The following URB2 variants were observed in gnomAD, a reference collection of about 807,000 sequenced individuals.
URB2 encodes URB2 ribosome biogenesis homolog, also known as unhealthy ribosome biogenesis protein 2 homolog.
In URB2, 86 loss-of-function variants were observed where a neutral mutation model predicts 120.9. That is an observed-to-expected ratio of 0.71 (90% CI 0.60 to 0.85). The LOEUF (loss-of-function observed/expected upper bound fraction) is 0.85. URB2 is among the 40% of genes least tolerant of loss of function. URB2 has a pLI of 0.00. For synonymous variants in URB2, 755 were observed against 758.4 expected (o/e 1.00, Z 0.07); for missense variants, 1,765 against 1,836.5 (o/e 0.96, Z 0.71).
Position 229,627,715 on chromosome 1 carries a change from T to C in URB2, c.82T>C (p.Phe28Leu). Residue 28 changes from phenylalanine to leucine, a missense_variant, in exon 2 of 10, where the codon TTT becomes CTT. By Grantham distance (22) the Phe-to-Leu change is conservative (BLOSUM62 0). Coordinates refer to ENST00000258243, the MANE Select transcript of URB2 (RefSeq NM_014777.4). ...SWEDKLKLAHFAWISHQCFLP... is the reference protein window; with the variant it reads ...SWEDKLKLAHLAWISHQCFLP... ...GGAAGATAAACTAAAACTAGCTCAC[T>C]TTGCTTGGATTTCTCACCAGTGCTT... 6.2e-7 allele frequency: 1 copy of C among 1,612,922 alleles called. No individual in the cohort carries two copies. Among genetic ancestry groups the C allele is most frequent in the Non-Finnish European group, 8.5e-7 (1 of 1,179,388 alleles).
chr1:229,651,930 C>G (rs1666283694), intron 8 of URB2, among the ~76,000 whole-genome samples: 1 of 152,068 alleles, frequency 6.6e-6, no homozygotes, highest in East Asian at 1.9e-4. Flanking sequence ...GGCTGTAATC[C>G]CAGCAATTTG....
chr1:229,639,232 G>A (rs2102788729), intron 4 of URB2, among the ~76,000 whole-genome samples: 1 of 152,130 alleles, frequency 6.6e-6, no homozygotes, highest in South Asian at 2.1e-4. Context: ...GGAGGTCGGT[G>A]CTGCAGTGAG....
rs1374300736 is a variant in URB2, at chr1:229,636,417, G to T, written c.1804G>T (p.Val602Phe). The T allele has an allele frequency of 6.2e-7, 1 of 1,614,122 alleles. No individual in the cohort carries two copies. The highest frequency in any genetic ancestry group is 1.3e-5 in the African/African-American group (1 of 74,946). The stretch of plus-strand genomic sequence containing the variant: ...AGAGCCAGAGCTGTGGCTGCAGAAG[G>T]TCAGTGACTCTGTGCTCCTGCTCTC... ...GPEPELWLQK[V>F]SDSVLLLSYT... is the part of the protein sequence containing the mutation. Residue 602 changes from valine (V) to phenylalanine (F), a missense_variant, in exon 4 of 10, where the codon GTC (valine) becomes TTC (phenylalanine). By Grantham distance (50) the Val-to-Phe change is conservative. Coordinates refer to ENST00000258243, the MANE Select transcript of URB2 (RefSeq NM_014777.4).
At position 229,654,371 on chromosome 1, in the gene URB2, G is replaced by A. The variant is rs369349530; in HGVS notation, c.4360G>A (p.Val1454Met). ...TTCCCCATTTATGGTGGCCCAGTACGTGTTGGAGGTACAGAAGGTAAAATT... is the reference window on the plus strand; with the variant it reads ...TTCCCCATTTATGGTGGCCCAGTACATGTTGGAGGTACAGAAGGTAAAATT... The part of the protein sequence containing the change: ...VFSPFMVAQY[V>M]LEVQKVTLYP... The change falls in exon 9 of 10, where the codon GTG (valine) becomes ATG (methionine). Residue 1454 changes from valine (V) to methionine (M), a missense_variant. Val to Met is a conservative substitution (Grantham distance 21). Coordinates refer to ENST00000258243, the MANE Select transcript of URB2 (RefSeq NM_014777.4). The A allele has an allele frequency of 2.7e-5, 44 of 1,614,070 alleles. No individual in the cohort carries two copies. Among genetic ancestry groups the A allele is most frequent in the African/African-American group, 4.0e-5 (3 of 74,918 alleles).
In URB2 at chr1:229,636,019, T is replaced by A. The variant is rs1665801098; in HGVS notation, c.1406T>A (p.Leu469Ter). Residue 469 changes from leucine (L) to a stop codon, truncating the protein, a stop_gained, in exon 4 of 10, where the codon TTG (leucine) becomes TAG (stop). Transcript: ENST00000258243. LOFTEE classifies it high-confidence loss of function. Reference sequence around the variant, plus strand: ...GCCAAACTCCGACAAGTGCCACGGTTGTTTGAAGAGGTTTTGGGGGTGATC... The same window carrying A: ...GCCAAACTCCGACAAGTGCCACGGTAGTTTGAAGAGGTTTTGGGGGTGATC... ...TYAKLRQVPRLFEEVLGVICR... is the reference protein window; with the variant it reads ...TYAKLRQVPR 2 of 1,613,820 alleles carry A rather than the reference T, an allele frequency of 1.2e-6. No individual in the cohort carries two copies. The highest frequency in any genetic ancestry group is 1.7e-6 in the Non-Finnish European group (2 of 1,179,724).
Position 229,635,527 on chromosome 1 carries a change from C to T in URB2, c.914C>T (p.Ala305Val), listed in dbSNP as rs754637823. 9 of 1,613,982 alleles carry T rather than the reference C, an allele frequency of 5.6e-6. No individual in the cohort carries two copies. Among genetic ancestry groups the T allele is most frequent in the Non-Finnish European group, 6.8e-6 (8 of 1,180,028 alleles). Residue 305 changes from alanine to valine, a missense_variant, in exon 4 of 10, where the codon GCC (alanine) becomes GTC (valine). Ala to Val is a moderately conservative substitution (Grantham distance 64). Transcript: ENST00000258243. ...LHTSVVANSV[A>V]LLYKLFLDSY... ...ACCTCTGTTGTGGCCAACTCAGTGGCCTTGCTGTATAAGCTCTTTCTAGAT... is the reference window on the plus strand; with the variant it reads ...ACCTCTGTTGTGGCCAACTCAGTGGTCTTGCTGTATAAGCTCTTTCTAGAT...
At chr1:229,648,740 G>A (rs1424829242) in intron 7 of URB2, among the ~76,000 whole-genome samples, 1 of 152,130 alleles carries the variant, frequency 6.6e-6, no homozygotes, top group Admixed American at 6.5e-5. Flanking sequence ...TCTTTTCATG[G>A]TGCCACCACT....
In URB2 at chr1:229,659,206, CG is replaced by C. The variant is rs1558175047; in HGVS notation, c.4487del (p.Gly1496GlufsTer2). On this transcript the variant is annotated frameshift_variant, in exon 10 of 10. Coordinates refer to ENST00000258243, the MANE Select transcript of URB2 (RefSeq NM_014777.4). LOFTEE classifies it low-confidence loss of function (END_TRUNC). ...CAGTTCCTGCGGGCCTCGCTGCAGC[CG>C]GGAATGAGAGACATCTTTAAGGAGC... ...DVQFLRASLQPGMRDIFKELY... is the reference protein window; with the variant it reads ...DVQFLRASLQXGMRDIFKELY... 1 of 1,613,870 alleles carries C rather than the reference CG, an allele frequency of 6.2e-7. No individual in the cohort carries two copies. The highest frequency in any genetic ancestry group is 1.1e-5 in the South Asian group (1 of 91,058).
chr1:229,641,623 G>T (rs1350663833), intron 4 of URB2, among the ~76,000 whole-genome samples: 1 of 152,210 alleles, frequency 6.6e-6, no homozygotes, highest in African/African-American at 2.4e-5. Context: ...CAGCCATGGA[G>T]TTCTCCCTGT....
intron 6 of URB2, among the ~76,000 whole-genome samples, chr1:229,646,935 C>CAAGAGAG (rs1459918750): frequency 3.9e-5 from 6 of 152,182 alleles, no homozygotes; most frequent in Non-Finnish European, 8.8e-5. Flanking sequence ...CTCTTGTTTC[C>CAAGAGAG]AATTTGGCTG....
intron 6 of URB2, among the ~76,000 whole-genome samples, chr1:229,646,769 AC>A (rs1422046210): frequency 6.6e-6 from 1 of 151,954 alleles, no homozygotes; most frequent in African/African-American, 2.4e-5. Context: ...CCCTCTAAAA[AC>A]CCTGACCTGG....
Position 229,647,714 on chromosome 1 carries a change from C to T in URB2, c.4111C>T (p.His1371Tyr), listed in dbSNP as rs747773668. Residue 1371 changes from histidine (H) to tyrosine (Y), a missense_variant, in exon 7 of 10, where the codon CAC becomes TAC. Coordinates refer to ENST00000258243, the MANE Select transcript of URB2 (RefSeq NM_014777.4). The part of the protein sequence containing the change: ...LEYGSVFPRL[H>Y]NVLFSILQCH... ...GTATGGAAGCGTCTTCCCGAGGCTG[C>T]ACAACGTGCTCTTCTCAATCCTGCA... 6.2e-7 allele frequency: 1 copy of T among 1,614,050 alleles called. No individual in the cohort carries two copies. Among genetic ancestry groups the T allele is most frequent in the South Asian group, 1.1e-5 (1 of 91,072 alleles).
chr1:229,647,633 A>G lies in URB2; in HGVS notation c.4030A>G (p.Ser1344Gly). The G allele has an allele frequency of 6.2e-7, 1 of 1,614,152 alleles. No homozygotes were observed. Among genetic ancestry groups the G allele is most frequent in the South Asian group, 1.1e-5 (1 of 91,082 alleles). Reference protein sequence around the residue: ...EEAIGNPHHVSLAFSILLTVP... With the variant: ...EEAIGNPHHVGLAFSILLTVP... Reference sequence around the variant, plus strand: ...GGCCATCGGCAACCCCCACCACGTCAGCCTGGCCTTCAGCATCCTTCTCAC... The same window carrying G: ...GGCCATCGGCAACCCCCACCACGTCGGCCTGGCCTTCAGCATCCTTCTCAC... The change falls in exon 7 of 10, where the codon AGC (serine) becomes GGC (glycine). Residue 1344 changes from serine (S) to glycine (G), a missense_variant. Physicochemically the swap from Ser to Gly is moderately conservative, Grantham distance 56. Coordinates refer to ENST00000258243, the MANE Select transcript of URB2 (RefSeq NM_014777.4).
At chr1:229,629,273 T>C (rs1365193106) in intron 2 of URB2, among the ~76,000 whole-genome samples, 1 of 152,236 alleles carries the variant, frequency 6.6e-6, no homozygotes, top group Admixed American at 6.5e-5. Context: ...GAGGTTAAGC[T>C]GTAGGTAATG....
rs991420238 is a variant in URB2 at position 229,632,304 on chromosome 1, A to C, written c.162A>C (p.Ala54=). The change falls in exon 3 of 10, where the codon GCA becomes GCC. Residue 54 remains alanine (A), a synonymous_variant. Transcript: ENST00000258243. ...ATTGGGCAAGACAATCATTGGTTGC[A>C]TTTTATAAGAAAAAGCTTGAACTGA... is the stretch of plus-strand genomic sequence containing the variant. ...LLDWARQSLV[A]FYKKKLELKE... is the part of the protein sequence containing the mutation. 1 of 1,584,904 alleles carries C rather than the reference A, an allele frequency of 6.3e-7. No individual in the cohort carries two copies. Among genetic ancestry groups the C allele is most frequent in the South Asian group, 1.2e-5 (1 of 83,718 alleles).
At chr1:229,658,855 T>A (rs1038704169) in intron 9 of URB2, among the ~76,000 whole-genome samples, 1 of 152,242 alleles carries the variant, frequency 6.6e-6, no homozygotes, top group Non-Finnish European at 1.5e-5. Flanking sequence ...TCATGGAGTT[T>A]TATTCCAGGT....
Position 229,635,243 on chromosome 1 carries a change from C to T in URB2, c.630C>T (p.His210=), listed in dbSNP as rs747425581. 5 of 1,614,246 alleles carry T rather than the reference C, an allele frequency of 3.1e-6. No homozygotes were observed. Among genetic ancestry groups the T allele is most frequent in the Non-Finnish European group, 1.7e-6 (2 of 1,180,058 alleles). ...TCCAGCCGTGCCTGGTCCTGAGGCACTTACTCTCTGGGGGCACATGGACGC... is the reference window on the plus strand; with the variant it reads ...TCCAGCCGTGCCTGGTCCTGAGGCATTTACTCTCTGGGGGCACATGGACGC... ...HLLQPCLVLR[H]LLSGGTWTQA... The change falls in exon 4 of 10, where the codon CAC becomes CAT. Residue 210 remains histidine (H), a synonymous_variant. Transcript: ENST00000258243.
At position 229,654,404 on chromosome 1, in the gene URB2, A is replaced by C; in HGVS notation, c.4377+16A>C. 6 of 1,614,134 alleles carry C rather than the reference A, an allele frequency of 3.7e-6. No homozygotes were observed. The highest frequency in any genetic ancestry group is 5.1e-6 in the Non-Finnish European group (6 of 1,180,006). On this transcript the variant is annotated intron_variant, in intron 9 of 9. Coordinates refer to ENST00000258243, the MANE Select transcript of URB2 (RefSeq NM_014777.4). ...GGTACAGAAGGTAAAATTGGGTTCA[A>C]TGTCTTTCACCAAGTACTGTGTTTA...
chr1:229,635,745 G>A lies in URB2; in HGVS notation c.1132G>A (p.Asp378Asn), dbSNP rs765588103. ...ANNNIYNIAA[D>N]RIRHEEAQFR... ...CAACAATATCTACAACATCGCTGCC[G>A]ACAGAATTCGGCACGAAGAGGCTCA... Residue 378 changes from aspartate (D) to asparagine (N), a missense_variant, in exon 4 of 10, where the codon GAC becomes AAC. Physicochemically the swap from Asp to Asn is conservative, Grantham distance 23. Transcript: ENST00000258243. 26 of 1,614,020 alleles carry A rather than the reference G, an allele frequency of 1.6e-5. No homozygotes were observed. Among genetic ancestry groups the A allele is most frequent in the Admixed American group, 5.0e-5 (3 of 60,004 alleles).
Sources: allele counts gnomAD v4.1 joint callset (sites outside exome capture counted in the v4.1 genomes callset), GRCh38; gene constraint gnomAD v4.1.1; transcripts MANE v1.5; gene names NCBI Gene and HGNC (gene_info 2026-07-23, HGNC 2026-07-21).